Variants in ITPR2 observed in about 807,000 individuals in gnomAD.
ITPR2 encodes the protein inositol 1,4,5-trisphosphate-gated calcium channel ITPR2.
Under a neutral mutation model 317.1 loss-of-function variants are expected in ITPR2, and 207 were observed. The observed-to-expected ratio is 0.65, with a 90% CI of 0.58 to 0.73. The LOEUF is 0.73. Ranked by LOEUF, ITPR2 falls within the 30% of genes least tolerant of loss-of-function variation. ITPR2 has a pLI of 0.00. For synonymous variants in ITPR2, 1,156 were observed against 1,149.1 expected (o/e 1.01, Z -0.12); for missense variants, 2,613 against 3,284.0 (o/e 0.80, Z 4.99).
chr12:26,679,004 T>C (rs1947973182), intron 13 of ITPR2, among the ~76,000 whole-genome samples: 1 of 152,246 alleles, frequency 6.6e-6, no homozygotes, highest in African/African-American at 2.4e-5. Context: ...TCTAAGAGTG[T>C]TAGAAACAAA....
chr12:26,682,782 G>A (rs1258187341), intron 11 of ITPR2, 109 bp from the exon 12 acceptor site: 3 of 645,094 alleles, frequency 4.7e-6, no homozygotes, highest in Non-Finnish European at 8.0e-6. Context: ...ATATTAACTA[G>A]TAATTGACTC....
chr12:26,340,187 G>C lies in ITPR2; in HGVS notation c.7999C>G (p.Leu2667Val). 1 of 1,605,092 alleles carries C rather than the reference G, an allele frequency of 6.2e-7. No individual in the cohort carries two copies. Among genetic ancestry groups the C allele is most frequent in the Non-Finnish European group, 8.5e-7 (1 of 1,176,014 alleles). Residue 2667 changes from leucine to valine, a missense_variant, in exon 56 of 57, where the codon CTG becomes GTG. Physicochemically the swap from Leu to Val is conservative, Grantham distance 32. Around this residue, in one of 9 missense-constraint regions of ITPR2, gnomAD observed 119 missense variants for 144.3 expected, o/e 0.82. Coordinates refer to ENST00000381340, the MANE Select transcript of ITPR2 (RefSeq NM_002223.4). The stretch of plus-strand genomic sequence containing the variant: ...CCCACCTGCTCCTTGAGCTCCGCCA[G>C]CTGACCCGACAGCTGTTTGACCAGA... Reference protein sequence around the residue: ...MSLVKQLSGQLAELKEQMTEQ... With the variant: ...MSLVKQLSGQVAELKEQMTEQ...
chr12:26,394,568 A>T (rs892938766), intron 54 of ITPR2, among the ~76,000 whole-genome samples: 4 of 152,158 alleles, frequency 2.6e-5, no homozygotes, highest in African/African-American at 9.7e-5. Flanking sequence ...TGAGCTATAA[A>T]TGGGAGAACA....
chr12:26,461,604 A>C (rs916289830), intron 45 of ITPR2, among the ~76,000 whole-genome samples: 3 of 146,836 alleles, frequency 2.0e-5, no homozygotes, highest in African/African-American at 5.2e-5. Flanking sequence ...CAAAGCTGAC[A>C]ATAAGAAAAA....
intron 45 of ITPR2, among the ~76,000 whole-genome samples, chr12:26,445,822 A>C (rs1941598934): frequency 6.6e-6 from 1 of 152,170 alleles, no homozygotes; most frequent in African/African-American, 2.4e-5. Flanking sequence ...CCCAAGAAAT[A>C]GATGGCAGCT....
chr12:26,803,702 T>C (rs1454089548), intron 1 of ITPR2, among the ~76,000 whole-genome samples: 3 of 152,212 alleles, frequency 2.0e-5, no homozygotes, highest in African/African-American at 7.2e-5. Flanking sequence ...ATTCGTTCTG[T>C]AGCCTAAGGA....
intron 2 of ITPR2, among the ~76,000 whole-genome samples, chr12:26,745,821 GAGC>G (rs1949312557): frequency 1.3e-5 from 2 of 151,922 alleles, no homozygotes; most frequent in Non-Finnish European, 2.9e-5. Flanking sequence ...TCCCATGATT[GAGC>G]ACACTGGCAT....
chr12:26,645,482 G>C (rs1179231886), intron 21 of ITPR2, among the ~76,000 whole-genome samples: 1 of 152,154 alleles, frequency 6.6e-6, no homozygotes, highest in Non-Finnish European at 1.5e-5. Context: ...GGGGAACATG[G>C]TACATAATGG....
At chr12:26,341,271 G>A (rs1406470880) in intron 55 of ITPR2, among the ~76,000 whole-genome samples, 1 of 152,312 alleles carries the variant, frequency 6.6e-6, no homozygotes, top group East Asian at 1.9e-4. Context: ...CTTTGTCTCT[G>A]TCTACTCACC....
chr12:26,799,636 C>A (rs532867320), intron 1 of ITPR2, among the ~76,000 whole-genome samples: 2 of 152,312 alleles, frequency 1.3e-5, no homozygotes, highest in South Asian at 4.1e-4. Context: ...GAAAAATCAT[C>A]GTGACTTTTT....
intron 20 of ITPR2, among the ~76,000 whole-genome samples, chr12:26,654,342 G>A (rs1232472861): frequency 6.6e-6 from 1 of 152,160 alleles, no homozygotes; most frequent in East Asian, 1.9e-4. Flanking sequence ...AAGACTCAGA[G>A]TGCTTTAAGG....
Position 26,450,787 on chromosome 12 carries a change from C to T in ITPR2, c.6343-7137G>A, listed in dbSNP as rs960622891. 3.3e-5 allele frequency among the ~76,000 whole-genome samples: 5 copies of T among 152,064 alleles called. No individual in the cohort carries two copies. In the East Asian group the frequency reaches 9.6e-4, roughly 29 times the overall value. On this transcript the variant is annotated intron_variant, in intron 45 of 56. Coordinates refer to ENST00000381340, the MANE Select transcript of ITPR2 (RefSeq NM_002223.4). ...AGACACGTGAAGGGCTGTACGCACT[C>T]TTTTCTCAAAGAGGAGATAGTTGTT...
intron 23 of ITPR2, among the ~76,000 whole-genome samples, chr12:26,625,075 A>T (rs1415699283): frequency 2.0e-5 from 3 of 152,288 alleles, no homozygotes; most frequent in African/African-American, 7.2e-5. Flanking sequence ...TGTTAAATGA[A>T]ATTAGCCAGG....
At chr12:26,590,441 A>C (rs1280571684) in intron 32 of ITPR2, among the ~76,000 whole-genome samples, 1 of 152,198 alleles carries the variant, frequency 6.6e-6, no homozygotes, top group Non-Finnish European at 1.5e-5. Flanking sequence ...AATGGAACAG[A>C]AAAGAGGACT....
intron 1 of ITPR2, among the ~76,000 whole-genome samples, chr12:26,810,636 G>A (rs1380877929): frequency 6.6e-6 from 1 of 152,070 alleles, no homozygotes; most frequent in African/African-American, 2.4e-5. Flanking sequence ...TAAAGGACTT[G>A]GGATTTAAAA....
At chr12:26,634,213 TA>T (rs1484558731) in intron 21 of ITPR2, among the ~76,000 whole-genome samples, 2 of 152,196 alleles carry the variant, frequency 1.3e-5, no homozygotes, top group African/African-American at 4.8e-5. Flanking sequence ...TGAGAAGTGC[TA>T]AAATTGTGAA....
chr12:26,532,272 TA>T (rs900796294), intron 37 of ITPR2, among the ~76,000 whole-genome samples: 3 of 152,244 alleles, frequency 2.0e-5, no homozygotes, highest in Admixed American at 2.0e-4. Flanking sequence ...ACCAACATTT[TA>T]AAAACTGACC....
chr12:26,656,256 C>A, intron 19 of ITPR2, 41 bp downstream of exon 19: 1 of 1,606,282 alleles, frequency 6.2e-7, no homozygotes, highest in Middle Eastern at 1.7e-4. Flanking sequence ...TGGAGTTCAT[C>A]TGATGAATTC....
chr12:26,447,994 CTTT>C (rs376160734), intron 45 of ITPR2, among the ~76,000 whole-genome samples: 29,080 of 81,888 alleles, frequency 0.36, 3,945 homozygotes, highest in African/African-American at 0.45. Flanking sequence ...TTTTACATGA[CTTT>C]TTTTTAAAAA....
Sources: gnomAD v4.1 joint callset for allele counts (sites outside exome capture counted in the v4.1 genomes callset) on GRCh38, gnomAD v4.1.1 for gene constraint, gnomAD v4.1.1 regional missense constraint, MANE v1.5 for transcripts, NCBI Gene and HGNC (gene_info 2026-07-23, HGNC 2026-07-21) for gene names.